The following SH3GL2 variants were observed in gnomAD, a reference collection of about 807,000 sequenced individuals.
SH3GL2 encodes SH3 domain containing GRB2 like 2, endophilin A1.
A neutral mutation model predicts 46.0 loss-of-function variants in SH3GL2; 24 were observed. The observed-to-expected ratio is 0.52, with a 90% CI of 0.38 to 0.73. The LOEUF is 0.73. Ranked by LOEUF, SH3GL2 falls within the 30% of genes least tolerant of loss-of-function variation. The probability of loss-of-function intolerance (pLI) is 0.00; values close to 1 mark genes in which losing one functional copy is unlikely to be tolerated. For synonymous variants in SH3GL2, 196 were observed against 147.1 expected (o/e 1.33, Z -2.40); for missense variants, 413 against 424.2 (o/e 0.97, Z 0.23).
chr9:17,701,758 T>C (rs1405692130), intron 1 of SH3GL2, among the ~76,000 whole-genome samples: 2 of 152,110 alleles, frequency 1.3e-5, no homozygotes, highest in African/African-American at 4.8e-5. Flanking sequence ...ATAATTTTTC[T>C]ATTTAAAAAA....
At chr9:17,744,153 T>G (rs554119212) in intron 1 of SH3GL2, among the ~76,000 whole-genome samples, 1 of 152,234 alleles carries the variant, frequency 6.6e-6, no homozygotes, top group African/African-American at 2.4e-5. Flanking sequence ...TAGCCCAAAT[T>G]TAATGGTAAA....
At chr9:17,746,647 A>G (rs1240289335) in intron 1 of SH3GL2, among the ~76,000 whole-genome samples, 2 of 152,196 alleles carry the variant, frequency 1.3e-5, no homozygotes, top group African/African-American at 4.8e-5. Flanking sequence ...TATCTGTTCA[A>G]TAGCCCATTT....
chr9:17,591,866 GAAT>G (rs1205894339), intron 1 of SH3GL2, among the ~76,000 whole-genome samples: 1 of 152,186 alleles, frequency 6.6e-6, no homozygotes, highest in African/African-American at 2.4e-5. Context: ...GATTATGGTA[GAAT>G]AATTTGATTG....
At chr9:17,622,403 G>A (rs1224517157) in intron 1 of SH3GL2, among the ~76,000 whole-genome samples, 1 of 152,124 alleles carries the variant, frequency 6.6e-6, no homozygotes, top group African/African-American at 2.4e-5. Context: ...ATTCTTCCAA[G>A]GGGGAGGATC....
chr9:17,743,100 T>G (rs1167192198), intron 1 of SH3GL2, among the ~76,000 whole-genome samples: 11 of 152,198 alleles, frequency 7.2e-5, no homozygotes, highest in Admixed American at 7.2e-4. Flanking sequence ...ATTGGCCAGA[T>G]GGACTCAACA....
chr9:17,737,085 A>G (rs926583695), intron 1 of SH3GL2, among the ~76,000 whole-genome samples: 4 of 152,156 alleles, frequency 2.6e-5, no homozygotes, highest in Non-Finnish European at 5.9e-5. Flanking sequence ...CATCATTCTC[A>G]GCAAACTAAC....
chr9:17,685,872 G>C (rs187350510), intron 1 of SH3GL2, among the ~76,000 whole-genome samples: 1 of 151,716 alleles, frequency 6.6e-6, no homozygotes, highest in Non-Finnish European at 1.5e-5. Flanking sequence ...AGTTCAGGAC[G>C]TAGGCATGGG....
intron 7 of SH3GL2, among the ~76,000 whole-genome samples, chr9:17,792,715 T>G: frequency 6.6e-6 from 1 of 152,216 alleles, no homozygotes; most frequent in Non-Finnish European, 1.5e-5. Context: ...TGTGTATCTT[T>G]TAGTTCTCTC....
chr9:17,652,288 C>T (rs1344279667), intron 1 of SH3GL2, among the ~76,000 whole-genome samples: 1 of 150,646 alleles, frequency 6.6e-6, no homozygotes, highest in East Asian at 1.9e-4. Context: ...TTATAGTTTC[C>T]CTCATTTCTT....
chr9:17,787,412 C>T lies in SH3GL2; in HGVS notation c.364C>T (p.Arg122Trp), dbSNP rs772230406. 8 of 1,612,124 alleles carry T rather than the reference C, an allele frequency of 5.0e-6. No homozygotes were observed. Among genetic ancestry groups the T allele is most frequent in the South Asian group, 2.2e-5 (2 of 91,056 alleles). Residue 122 changes from arginine to tryptophan, a missense_variant, in exon 5 of 9, where the codon CGG becomes TGG. By Grantham distance (101) the Arg-to-Trp change is moderately radical (BLOSUM62 -3). This residue lies in a region of SH3GL2 where 160 missense variants were observed against 192.3 expected (regional missense o/e 0.83). Transcript: ENST00000380607. ...PALGEVGEAM[R>W]ELSEVKDSLD... ...ACTTGGTGAGGTCGGGGAGGCCATG[C>T]GGGAACTGTCGGAGGTCAAAGACTC...
Position 17,789,444 on chromosome 9 carries a change from A to G in SH3GL2, c.518A>G (p.Lys173Arg). The G allele has an allele frequency of 1.2e-6, 2 of 1,613,438 alleles. No homozygotes were observed. The highest frequency in any genetic ancestry group is 1.7e-6 in the Non-Finnish European group (2 of 1,179,572). The change falls in exon 6 of 9, where the codon AAA becomes AGA. Residue 173 changes from lysine to arginine, a missense_variant. By Grantham distance (26) the Lys-to-Arg change is conservative (BLOSUM62 2). Coordinates refer to ENST00000380607, the MANE Select transcript of SH3GL2 (RefSeq NM_003026.5). ...GRRLDFDYKK[K>R]RQGKIPDEEL... ...CGCCTGGATTTTGATTATAAGAAGA[A>G]ACGACAAGGCAAGATTCCGGATGAA...
intron 3 of SH3GL2, among the ~76,000 whole-genome samples, chr9:17,774,546 G>A (rs9406717): frequency 0.12 from 17,551 of 145,836 alleles, 1,132 homozygotes; most frequent in Admixed American, 0.16. Context: ...ATGATCGTGT[G>A]TGTGGTTTTT....
chr9:17,681,251 C>A (rs141450975), intron 1 of SH3GL2, among the ~76,000 whole-genome samples: 9 of 152,242 alleles, frequency 5.9e-5, no homozygotes, highest in African/African-American at 1.9e-4. Flanking sequence ...ACAACAATAA[C>A]AACAACAAAA....
intron 1 of SH3GL2, among the ~76,000 whole-genome samples, chr9:17,605,198 T>G (rs1195375862): frequency 6.6e-6 from 1 of 152,018 alleles, no homozygotes; most frequent in Non-Finnish European, 1.5e-5. Flanking sequence ...AGGCTTGTCT[T>G]GAACACCTGG....
intron 6 of SH3GL2, chr9:17,789,849 A>T (rs546768226): frequency 6.2e-6 from 5 of 809,112 alleles, no homozygotes; most frequent in Non-Finnish European, 7.5e-6. Flanking sequence ...TTATCGAATA[A>T]CGCATTAAAA....
At chr9:17,681,075 A>G (rs1041019187) in intron 1 of SH3GL2, among the ~76,000 whole-genome samples, 1 of 151,926 alleles carries the variant, frequency 6.6e-6, no homozygotes, top group East Asian at 1.9e-4. Context: ...TGGAATAAGT[A>G]CAGAACTCAC....
At chr9:17,590,905 A>G (rs185790595) in intron 1 of SH3GL2, 3 of 152,288 alleles carry the variant, frequency 2.0e-5, no homozygotes, top group Admixed American at 2.0e-4. Flanking sequence ...CTACAGGCTC[A>G]CGTCACCACT....
At chr9:17,604,775 G>A (rs1221569439) in intron 1 of SH3GL2, among the ~76,000 whole-genome samples, 2 of 152,142 alleles carry the variant, frequency 1.3e-5, no homozygotes, top group Non-Finnish European at 2.9e-5. Context: ...TTCAAGGGCG[G>A]TGCTGAGAAC....
chr9:17,621,049 T>G (rs1377447819), intron 1 of SH3GL2, among the ~76,000 whole-genome samples: 2 of 152,192 alleles, frequency 1.3e-5, no homozygotes, highest in Non-Finnish European at 2.9e-5. Context: ...TTCAGTTGAT[T>G]GCTGTGGTTT....
Sources: gnomAD v4.1 joint callset for allele counts (sites outside exome capture counted in the v4.1 genomes callset) on GRCh38, gnomAD v4.1.1 for gene constraint, gnomAD v4.1.1 regional missense constraint, MANE v1.5 for transcripts, NCBI Gene and HGNC (gene_info 2026-07-23, HGNC 2026-07-21) for gene names.